The following DIAPH3 variants were observed in gnomAD, a reference collection of about 807,000 sequenced individuals.
DIAPH3 encodes the protein protein diaphanous homolog 3.
DIAPH3 carries 117 observed loss-of-function variants against 144.3 expected under a neutral mutation model. That is an observed-to-expected ratio of 0.81 (90% CI 0.70 to 0.95). DIAPH3 has a LOEUF of 0.95. DIAPH3 is among the 40% of genes least tolerant of loss of function. The pLI, the probability that DIAPH3 is intolerant of heterozygous loss-of-function variation, is 0.00. For missense variants in DIAPH3, 1,421 were observed against 1,412.7 expected, an observed-to-expected ratio of 1.01 and a Z score of -0.09; for synonymous variants, 519 against 488.9, an observed-to-expected ratio of 1.06 and a Z score of -0.81.
intron 25 of DIAPH3, among the ~76,000 whole-genome samples, chr13:59,775,703 GAACA>G (rs2038378483): frequency 6.7e-6 from 1 of 149,716 alleles, no homozygotes; most frequent in Non-Finnish European, 1.5e-5. Flanking sequence ...AGGTGACACA[GAACA>G]ATCACTACAA....
chr13:60,108,986 C>T (rs2058493544), intron 3 of DIAPH3, among the ~76,000 whole-genome samples: 1 of 152,062 alleles, frequency 6.6e-6, no homozygotes, highest in Non-Finnish European at 1.5e-5. Flanking sequence ...TATAACTGCT[C>T]TTCTGTAGAA....
chr13:60,068,377 G>A (rs1044445103), intron 4 of DIAPH3, among the ~76,000 whole-genome samples: 49 of 152,266 alleles, frequency 3.2e-4, no homozygotes, highest in African/African-American at 1.1e-3. Flanking sequence ...ATACTGGTAG[G>A]TATAAAGTTA....
chr13:60,036,727 T>C (rs2055257440), intron 5 of DIAPH3, among the ~76,000 whole-genome samples: 1 of 152,200 alleles, frequency 6.6e-6, no homozygotes, highest in Admixed American at 6.5e-5. Context: ...GAATTTTTAA[T>C]AAGTTTTTAT....
At chr13:60,042,565 T>C in intron 5 of DIAPH3, 125 bp downstream of exon 5, 1 of 1,128,080 alleles carries the variant, frequency 8.9e-7, no homozygotes. Context: ...TGCATATAAA[T>C]ATTAGGTATT....
At chr13:59,732,377 T>G (rs1199982390) in intron 27 of DIAPH3, among the ~76,000 whole-genome samples, 2 of 151,264 alleles carry the variant, frequency 1.3e-5, no homozygotes, top group African/African-American at 4.9e-5. Flanking sequence ...CAATTAAATA[T>G]GCTTAATTGT....
intron 27 of DIAPH3, among the ~76,000 whole-genome samples, chr13:59,683,948 T>C (rs1274186518): frequency 2.0e-5 from 3 of 152,134 alleles, no homozygotes; most frequent in Non-Finnish European, 4.4e-5. Context: ...ATAATGTGCC[T>C]GTGTGTCTGC....
intron 27 of DIAPH3, among the ~76,000 whole-genome samples, chr13:59,710,836 T>C (rs1282409183): frequency 3.9e-5 from 6 of 152,178 alleles, no homozygotes; most frequent in African/African-American, 1.4e-4. Context: ...AATAAACAAG[T>C]TAAAAAAAAT....
intron 12 of DIAPH3, among the ~76,000 whole-genome samples, chr13:59,989,950 G>C (rs1008613387): frequency 6.6e-6 from 1 of 151,842 alleles, no homozygotes; most frequent in East Asian, 1.9e-4. Flanking sequence ...AATGTATGGA[G>C]TTTACTTTAG....
In DIAPH3 at chr13:60,117,767, T is replaced by C. The variant is rs185877900; in HGVS notation, c.214-5581A>G. On this transcript the variant is annotated intron_variant, in intron 2 of 27. Coordinates refer to ENST00000400324, the MANE Select transcript of DIAPH3 (RefSeq NM_001042517.2). ...ACACTTGAGCAAACTTTAAAAATAC[T>C]TTTTACATAAAAATATGACAGGAAT... Among the ~76,000 whole-genome samples, 519 of 152,268 alleles carry C rather than the reference T, an allele frequency of 3.4e-3. 3 individuals are homozygous for C. Among genetic ancestry groups the C allele is most frequent in the Middle Eastern group, 0.01 (3 of 294 alleles).
intron 3 of DIAPH3, among the ~76,000 whole-genome samples, chr13:60,108,291 A>G (rs1225837): frequency 0.63 from 95,899 of 152,072 alleles, 30,686 homozygotes; most frequent in Admixed American, 0.72. Flanking sequence ...AATTAAAGAA[A>G]ACTAATGTTT....
chr13:59,870,734 G>A (rs1405593118), intron 21 of DIAPH3, among the ~76,000 whole-genome samples: 2 of 149,784 alleles, frequency 1.3e-5, no homozygotes, highest in African/African-American at 2.5e-5. Flanking sequence ...GCAATGGCAC[G>A]ATCTCGGCTC....
intron 4 of DIAPH3, among the ~76,000 whole-genome samples, chr13:60,078,794 G>C (rs1275554480): frequency 1.3e-5 from 2 of 151,664 alleles, no homozygotes; most frequent in African/African-American, 2.4e-5. Flanking sequence ...ATATATATTA[G>C]CTTAGTAACA....
At chr13:60,099,324 A>G (rs536888421) in intron 3 of DIAPH3, among the ~76,000 whole-genome samples, 1 of 152,328 alleles carries the variant, frequency 6.6e-6, no homozygotes, top group South Asian at 2.1e-4. Flanking sequence ...CTACAGTTGG[A>G]CAAAATAATC....
At chr13:60,064,730 GA>G (rs1469213000) in intron 4 of DIAPH3, among the ~76,000 whole-genome samples, 3 of 152,124 alleles carry the variant, frequency 2.0e-5, no homozygotes, top group Non-Finnish European at 4.4e-5. Flanking sequence ...ATTCCCTTTA[GA>G]ATTTTTCCTT....
chr13:59,718,128 G>A (rs1163629666), intron 27 of DIAPH3, among the ~76,000 whole-genome samples: 1 of 152,094 alleles, frequency 6.6e-6, no homozygotes, highest in African/African-American at 2.4e-5. Context: ...AGTTTTACAG[G>A]TGAGGAAAAA....
chr13:59,907,484 C>T (rs1347876317), intron 20 of DIAPH3, among the ~76,000 whole-genome samples: 2 of 152,072 alleles, frequency 1.3e-5, no homozygotes, highest in Non-Finnish European at 1.5e-5. Context: ...TCCTAGAAAA[C>T]ACAGGACATA....
chr13:59,922,860 T>C (rs2140294944), intron 18 of DIAPH3, among the ~76,000 whole-genome samples: 1 of 152,282 alleles, frequency 6.6e-6, no homozygotes, highest in Non-Finnish European at 1.5e-5. Flanking sequence ...AAAAATGTTA[T>C]TCTGTTTTCT....
Position 59,991,162 on chromosome 13 carries a change from T to C in DIAPH3, c.1357A>G (p.Ile453Val), listed in dbSNP as rs763170576. The change falls in exon 12 of 28, where the codon ATA becomes GTA. Residue 453 changes from isoleucine (I) to valine (V), a missense_variant. By Grantham distance (29) the Ile-to-Val change is conservative (BLOSUM62 3). Transcript: ENST00000400324. The part of the protein sequence containing the change: ...HLLLIRNDYF[I>V]RQQYFKLIDE... ...TAGAATACAACTTCCTCTTACCTTATAAAATAATCATTTCGAATCAGCAAA... is the reference window on the plus strand; with the variant it reads ...TAGAATACAACTTCCTCTTACCTTACAAAATAATCATTTCGAATCAGCAAA... The C allele has an allele frequency of 1.6e-5, 26 of 1,579,100 alleles. No individual in the cohort carries two copies. The South Asian group carries it at 2.4e-4, about 15-fold the overall frequency.
intron 20 of DIAPH3, among the ~76,000 whole-genome samples, chr13:59,882,517 A>T (rs1022730809): frequency 6.6e-6 from 1 of 152,182 alleles, no homozygotes; most frequent in African/African-American, 2.4e-5. Flanking sequence ...ACCACTTCTC[A>T]TATTCTATCA....
Sources: gnomAD v4.1 joint callset for allele counts (sites outside exome capture counted in the v4.1 genomes callset) on GRCh38, gnomAD v4.1.1 for gene constraint, MANE v1.5 for transcripts, NCBI Gene and HGNC (gene_info 2026-07-23, HGNC 2026-07-21) for gene names.